The following PELI2 variants were observed in gnomAD, a reference collection of about 807,000 sequenced individuals.
PELI2 encodes pellino E3 ubiquitin protein ligase family member 2, also known as E3 ubiquitin-protein ligase pellino homolog 2.
In PELI2, 23 loss-of-function variants were observed where a neutral mutation model predicts 42.3. The observed-to-expected ratio is 0.54, with a 90% CI of 0.39 to 0.77. The LOEUF (loss-of-function observed/expected upper bound fraction) is 0.77, where lower values mean the gene tolerates loss of function less well. Ranked by LOEUF, PELI2 falls within the 30% of genes least tolerant of loss-of-function variation. The pLI, the probability that PELI2 is intolerant of heterozygous loss-of-function variation, is 0.00. For synonymous variants in PELI2, 245 were observed against 212.2 expected (o/e 1.15, Z -1.34); for missense variants, 463 against 553.2 (o/e 0.84, Z 1.64).
intron 2 of PELI2, among the ~76,000 whole-genome samples, chr14:56,267,766 A>G (rs1888959279): frequency 6.6e-6 from 1 of 152,160 alleles, no homozygotes; most frequent in Non-Finnish European, 1.5e-5. Flanking sequence ...AATGAGGGAA[A>G]AATTGGAATC....
chr14:56,182,671 T>TA (rs1356692202), intron 2 of PELI2, among the ~76,000 whole-genome samples: 1 of 152,208 alleles, frequency 6.6e-6, no homozygotes, highest in Non-Finnish European at 1.5e-5. Context: ...GAGGGCCATT[T>TA]AATGTCATTG....
At chr14:56,223,236 C>T (rs1887215263) in intron 2 of PELI2, among the ~76,000 whole-genome samples, 2 of 152,260 alleles carry the variant, frequency 1.3e-5, no homozygotes, top group Non-Finnish European at 2.9e-5. Flanking sequence ...ACCGTAACTC[C>T]CTCTCTGGTC....
chr14:56,118,516 G>C lies in PELI2; in HGVS notation c.-145G>C. On this transcript the variant is annotated 5_prime_UTR_variant, in exon 1 of 6. Transcript: ENST00000267460. ...CGACGGAGCAGCAGCGGGACTGGCC[G>C]CCCCGCGCCCCCTTCGCCGCCGTGC... The C allele has an allele frequency of 2.4e-6, 1 of 421,246 alleles. No homozygotes were observed. The highest frequency in any genetic ancestry group is 1.1e-4 in the South Asian group (1 of 9,322). The allele number at this position is 421,246 out of a possible 1,614,324, so 26.1% of individuals were successfully genotyped here. A position where few individuals can be genotyped will look rare whatever the true frequency, so the allele number is the denominator to read the frequency against.
At position 56,298,109 on chromosome 14, in the gene PELI2, T is replaced by A. The variant is rs1890071694; in HGVS notation, c.*943T>A. 6.6e-6 allele frequency: 1 copy of A among 152,478 alleles called. No individual in the cohort carries two copies. Among genetic ancestry groups the A allele is most frequent in the South Asian group, 2.1e-4 (1 of 4,830 alleles). 9.4% of individuals were successfully genotyped at this position (152,478 alleles called of 1,614,324 possible). On this transcript the variant is annotated 3_prime_UTR_variant, in exon 6 of 6. Transcript: ENST00000267460. ...AGGTTTCATAAAGCTTGGGGTTTTT[T>A]TTTTTCCTTTGTTAAGAAAGCCAAC...
At chr14:56,188,699 T>G (rs1460881434) in intron 2 of PELI2, among the ~76,000 whole-genome samples, 1 of 152,180 alleles carries the variant, frequency 6.6e-6, no homozygotes, top group Non-Finnish European at 1.5e-5. Flanking sequence ...TTTTGAGAGT[T>G]TTAAGATGTA....
intron 2 of PELI2, among the ~76,000 whole-genome samples, chr14:56,234,976 A>G (rs1328301909): frequency 1.3e-5 from 2 of 152,178 alleles, no homozygotes; most frequent in Non-Finnish European, 2.9e-5. Context: ...AGAGCTTTGC[A>G]TGGAAGCCTT....
chr14:56,262,648 C>T (rs571203905), intron 2 of PELI2, among the ~76,000 whole-genome samples: 1 of 152,196 alleles, frequency 6.6e-6, no homozygotes, highest in South Asian at 2.1e-4. Context: ...TCCTCTTTGG[C>T]CGATTTGTAA....
At chr14:56,138,728 T>A (rs1277457142) in intron 1 of PELI2, among the ~76,000 whole-genome samples, 2 of 152,196 alleles carry the variant, frequency 1.3e-5, no homozygotes, top group South Asian at 2.1e-4. Context: ...AACTGACTTA[T>A]GGCATAACTA....
At chr14:56,198,701 G>T (rs781467691) in intron 2 of PELI2, among the ~76,000 whole-genome samples, 23 of 152,234 alleles carry the variant, frequency 1.5e-4, no homozygotes, top group Admixed American at 3.3e-4. Context: ...ACTAGGGAGG[G>T]CTTGGGGGTC....
intron 2 of PELI2, among the ~76,000 whole-genome samples, chr14:56,250,246 G>C (rs1404244841): frequency 1.3e-5 from 2 of 152,164 alleles, no homozygotes; most frequent in Non-Finnish European, 2.9e-5. Context: ...TTTGTTGATG[G>C]GGGTGAGATT....
At position 56,149,702 on chromosome 14, in the gene PELI2, A is replaced by G. The variant is rs577245296; in HGVS notation, c.78-28633A>G. ...TTCAGGAGTTGTGTTGCCTCAGTTC[A>G]TTTCCAGATTATCTCACTTTGCAGC... On this transcript the variant is annotated intron_variant, in intron 1 of 5. Transcript: ENST00000267460. 4.0e-5 allele frequency among the ~76,000 whole-genome samples: 6 copies of G among 151,888 alleles called. No homozygotes were observed. In the East Asian group the frequency reaches 1.2e-3, roughly 29 times the overall value.
intron 2 of PELI2, among the ~76,000 whole-genome samples, chr14:56,257,749 C>G (rs1033531744): frequency 6.6e-6 from 1 of 152,112 alleles, no homozygotes; most frequent in Admixed American, 6.5e-5. Flanking sequence ...GAGGTGAGCC[C>G]CAGCTTACTG....
In PELI2 at chr14:56,193,089, G is replaced by T. The variant is rs986607601; in HGVS notation, c.207+14625G>T. On this transcript the variant is annotated intron_variant, in intron 2 of 5. Transcript: ENST00000267460. ...AGCAGAAACCATTGCTTTAAATCAG[G>T]CTTTGTGGAAATAGAGGGAGATGAC... Among the ~76,000 whole-genome samples, 4 of 152,182 alleles carry T rather than the reference G, an allele frequency of 2.6e-5. No homozygotes were observed. In the East Asian group the frequency reaches 7.7e-4, roughly 29 times the overall value.
intron 2 of PELI2, among the ~76,000 whole-genome samples, chr14:56,250,953 G>A (rs1888323370): frequency 6.6e-6 from 1 of 152,208 alleles, no homozygotes; most frequent in Non-Finnish European, 1.5e-5. Flanking sequence ...GGAAGAAGCT[G>A]GGAAAGAGTG....
At chr14:56,132,706 T>C (rs1883535906) in intron 1 of PELI2, among the ~76,000 whole-genome samples, 1 of 152,182 alleles carries the variant, frequency 6.6e-6, no homozygotes, top group African/African-American at 2.4e-5. Context: ...TTCAGCTCAG[T>C]TTAAGTGACT....
chr14:56,147,751 G>A (rs1450327514), intron 1 of PELI2, among the ~76,000 whole-genome samples: 1 of 152,168 alleles, frequency 6.6e-6, no homozygotes, highest in African/African-American at 2.4e-5. Context: ...AGAAAGTTAG[G>A]GGAGAGCTAT....
At chr14:56,150,190 C>A (rs1248637630) in intron 1 of PELI2, among the ~76,000 whole-genome samples, 1 of 152,218 alleles carries the variant, frequency 6.6e-6, no homozygotes, top group Non-Finnish European at 1.5e-5. Flanking sequence ...TCCCTGGCAG[C>A]AAGCACGGCG....
intron 1 of PELI2, among the ~76,000 whole-genome samples, chr14:56,152,296 T>C (rs1243161552): frequency 6.6e-6 from 1 of 152,118 alleles, no homozygotes. Flanking sequence ...TTCTTATTCA[T>C]AAAATGGGGG....
intron 1 of PELI2, among the ~76,000 whole-genome samples, chr14:56,174,374 C>T (rs1885294154): frequency 6.6e-6 from 1 of 152,226 alleles, no homozygotes; most frequent in African/African-American, 2.4e-5. Flanking sequence ...TATTTCCAGT[C>T]ATGTTAGCCA....
Sources: gnomAD v4.1 joint callset for allele counts (sites outside exome capture counted in the v4.1 genomes callset) on GRCh38, gnomAD v4.1.1 for gene constraint, MANE v1.5 for transcripts, NCBI Gene and HGNC (gene_info 2026-07-23, HGNC 2026-07-21) for gene names.